PDE8B: variants seen among roughly 807,000 people sequenced by gnomAD.
PDE8B encodes the protein high affinity cAMP-specific and IBMX-insensitive 3',5'-cyclic phosphodiesterase 8B.
In PDE8B, 26 loss-of-function variants were observed where a neutral mutation model predicts 101.3. The observed-to-expected ratio is 0.26, with a 90% CI of 0.19 to 0.36. The LOEUF is 0.36. Among genes scored for constraint, PDE8B ranks in the 10% least tolerant of loss-of-function variants. The pLI is 1.00. For synonymous variants in PDE8B, 424 were observed against 429.3 expected (o/e 0.99, Z 0.15); for missense variants, 810 against 1,163.1 (o/e 0.70, Z 4.42).
intron 1 of PDE8B, among the ~76,000 whole-genome samples, chr5:77,293,892 G>T (rs1198741697): frequency 6.6e-6 from 1 of 152,142 alleles, no homozygotes; most frequent in East Asian, 1.9e-4. Flanking sequence ...TGTTAATTGG[G>T]TGTTTGTTTT....
intron 1 of PDE8B, among the ~76,000 whole-genome samples, chr5:77,270,866 G>C (rs901306585): frequency 1.2e-4 from 18 of 152,214 alleles, no homozygotes; most frequent in African/African-American, 4.1e-4. Context: ...AGCCGGGTGG[G>C]AGTTAGGAGG....
At chr5:77,396,517 T>A (rs1259857193) in intron 10 of PDE8B, among the ~76,000 whole-genome samples, 1 of 152,232 alleles carries the variant, frequency 6.6e-6, no homozygotes, top group Non-Finnish European at 1.5e-5. Context: ...CACTGGTAAC[T>A]CTTACCTTTT....
intron 1 of PDE8B, among the ~76,000 whole-genome samples, chr5:77,219,199 C>T (rs1192983768): frequency 6.6e-6 from 1 of 152,134 alleles, no homozygotes; most frequent in Non-Finnish European, 1.5e-5. Context: ...TCTCTAATTG[C>T]TCTTAGAAGC....
chr5:77,210,231 C>A (rs1297733723), upstream of PDE8B, among the ~76,000 whole-genome samples: 1 of 152,000 alleles, frequency 6.6e-6, no homozygotes, highest in East Asian at 1.9e-4. This position sits in a 1 kb window ranked among gnomAD's most constrained non-coding sequence, Gnocchi z 4.9. Context: ...GGGATGAGTG[C>A]AGAAGAGACG....
At chr5:77,290,611 G>A (rs2149936825) in intron 1 of PDE8B, 2 of 1,509,428 alleles carry the variant, frequency 1.3e-6, no homozygotes, top group South Asian at 1.1e-5. Context: ...TTAGTGGAAG[G>A]TGTGGGTGAA....
chr5:77,248,465 A>C (rs1757414337), intron 1 of PDE8B, among the ~76,000 whole-genome samples: 1 of 151,646 alleles, frequency 6.6e-6, no homozygotes. Context: ...GTTGTTGTCT[A>C]ATGAGCTTCA....
chr5:77,309,910 A>G lies in PDE8B; in HGVS notation c.340-2084A>G, dbSNP rs1772158219. ...GCTGGGATTACAGGCATGAGCCACC[A>G]TGCCCAACTGGTTTCCCTTTTTAAT... On this transcript the variant is annotated intron_variant, in intron 1 of 21. Transcript: ENST00000264917. 1.3e-4 allele frequency among the ~76,000 whole-genome samples: 17 copies of G among 127,016 alleles called. 1 individual carries two copies. In the South Asian group the frequency reaches 3.8e-3, roughly 28 times the overall value. The allele number at this position is 127,016 out of a possible 152,430, so 83.3% of individuals were successfully genotyped here. A position where few individuals can be genotyped will look rare whatever the true frequency, so the allele number is the denominator to read the frequency against.
At chr5:77,193,462 T>G in the PDE8B span, among the ~76,000 whole-genome samples, 8 of 152,170 alleles carry the variant, frequency 5.3e-5, no homozygotes, top group Admixed American at 4.6e-4. Flanking sequence ...CTTTGGTAGT[T>G]TTACTGAAAA....
the PDE8B span, among the ~76,000 whole-genome samples, chr5:77,153,246 G>A: frequency 6.6e-6 from 1 of 152,076 alleles, no homozygotes. Flanking sequence ...ATTATAAAAG[G>A]CAATTTATTG....
At chr5:77,224,052 A>G (rs1751795238) in intron 1 of PDE8B, among the ~76,000 whole-genome samples, 1 of 152,214 alleles carries the variant, frequency 6.6e-6, no homozygotes, top group Non-Finnish European at 1.5e-5. Flanking sequence ...TATATATAAA[A>G]TGGTTCTTGC....
At chr5:77,253,863 C>T (rs4703730) in intron 1 of PDE8B, among the ~76,000 whole-genome samples, 83,528 of 151,656 alleles carry the variant, frequency 0.55, 23,048 homozygotes, top group South Asian at 0.6. Context: ...TGATTCAATA[C>T]AATTGAAGAC....
At chr5:77,216,810 A>G (rs1749841414) in intron 1 of PDE8B, among the ~76,000 whole-genome samples, 1 of 152,130 alleles carries the variant, frequency 6.6e-6, no homozygotes, top group Admixed American at 6.5e-5. Flanking sequence ...AACCAGAGGG[A>G]AAAGGAATCT....
At chr5:77,163,539 C>A in the PDE8B span, among the ~76,000 whole-genome samples, 1 of 152,136 alleles carries the variant, frequency 6.6e-6, no homozygotes, top group Non-Finnish European at 1.5e-5. Context: ...GTCAAATAAC[C>A]ACTATGAACA....
At chr5:77,370,315 G>A (rs535372404) in intron 10 of PDE8B, among the ~76,000 whole-genome samples, 4 of 152,224 alleles carry the variant, frequency 2.6e-5, no homozygotes, top group African/African-American at 9.6e-5. Context: ...CCCAATTAAT[G>A]TCTGTCCCCC....
chr5:77,248,878 A>G (rs772112597), intron 1 of PDE8B, among the ~76,000 whole-genome samples: 1 of 152,206 alleles, frequency 6.6e-6, no homozygotes, highest in Non-Finnish European at 1.5e-5. Context: ...AAGAGACACC[A>G]GAAAGCTACT....
the PDE8B span, among the ~76,000 whole-genome samples, chr5:77,179,123 A>G: frequency 6.6e-6 from 1 of 152,214 alleles, no homozygotes; most frequent in Non-Finnish European, 1.5e-5. Flanking sequence ...TTGTCCACAC[A>G]TGGAGGAATG....
chr5:77,225,551 AACCT>A (rs1178399798), intron 1 of PDE8B, among the ~76,000 whole-genome samples: 14 of 152,060 alleles, frequency 9.2e-5, no homozygotes, highest in Non-Finnish European at 1.5e-5. Context: ...TTCTCCCAGG[AACCT>A]AATTATTTTT....
chr5:77,365,389 C>G (rs961876421), intron 10 of PDE8B, among the ~76,000 whole-genome samples: 1 of 152,036 alleles, frequency 6.6e-6, no homozygotes, highest in Non-Finnish European at 1.5e-5. Flanking sequence ...TGCTGGATGT[C>G]TTGGAGGGGG....
chr5:77,088,851 G>A, the PDE8B span: 1 of 152,228 alleles, frequency 6.6e-6, no homozygotes, highest in Non-Finnish European at 1.5e-5. Flanking sequence ...AGGGCCATGG[G>A]TTTCCAGGCT....
Sources: gnomAD v4.1 joint callset for allele counts (sites outside exome capture counted in the v4.1 genomes callset) on GRCh38, gnomAD v4.1.1 for gene constraint, Gnocchi (gnomAD v3.1) non-coding constraint, MANE v1.5 for transcripts, NCBI Gene and HGNC (gene_info 2026-07-23, HGNC 2026-07-21) for gene names.